The following ITK variants were observed in gnomAD, a reference collection of about 807,000 sequenced individuals.
ITK encodes the protein IL2 inducible T cell kinase.
In ITK, 45 loss-of-function variants were observed where a neutral mutation model predicts 87.6. That is an observed-to-expected ratio of 0.51 (90% confidence interval 0.40 to 0.66). The LOEUF is 0.66. Ranked by LOEUF, ITK falls within the 30% of genes least tolerant of loss-of-function variation. The pLI, the probability that ITK is intolerant of heterozygous loss-of-function variation, is 0.00. For missense variants in ITK, 605 were observed against 766.3 expected (o/e 0.79, Z 2.48); for synonymous variants, 303 against 273.6 (o/e 1.11, Z -1.06).
intron 16 of ITK, among the ~76,000 whole-genome samples, chr5:157,252,383 AATGTCACACAGCTAAT>A (rs1271686555): frequency 6.6e-6 from 1 of 152,252 alleles, no homozygotes; most frequent in African/African-American, 2.4e-5. Flanking sequence ...TAACCTGCTG[AATGTCACACAGCTAAT>A]TAGTGGTAAA....
intron 5 of ITK, among the ~76,000 whole-genome samples, chr5:157,221,696 T>A (rs1754417689): frequency 6.6e-6 from 1 of 152,208 alleles, no homozygotes; most frequent in African/African-American, 2.4e-5. Flanking sequence ...TGAGTTGACC[T>A]GCAGTGGGAT....
At chr5:157,193,261 T>C (rs1043650990) in intron 1 of ITK, among the ~76,000 whole-genome samples, 1 of 152,158 alleles carries the variant, frequency 6.6e-6, no homozygotes, top group African/African-American at 2.4e-5. Context: ...CTGCCAATTA[T>C]ATCAGGAATT....
chr5:157,196,181 C>T (rs1432411971), intron 1 of ITK, among the ~76,000 whole-genome samples: 4 of 152,172 alleles, frequency 2.6e-5, no homozygotes, highest in Admixed American at 2.0e-4. Flanking sequence ...CTGTAGAAAA[C>T]ATTTCTAGAA....
chr5:157,252,347 C>A (rs1284841844), intron 16 of ITK, among the ~76,000 whole-genome samples: 1 of 152,094 alleles, frequency 6.6e-6, no homozygotes, highest in East Asian at 1.9e-4. Flanking sequence ...TTACAAATGA[C>A]AAAACTGAGG....
Position 157,253,954 on chromosome 5 carries a change from G to A in ITK, c.*1276G>A, listed in dbSNP as rs1228634092. The A allele has an allele frequency of 9.0e-6, 2 of 221,976 alleles. No homozygotes were observed. Among genetic ancestry groups the A allele is most frequent in the Non-Finnish European group, 1.8e-5 (2 of 111,104 alleles). 13.8% of individuals were successfully genotyped at this position (221,976 alleles called of 1,614,324 possible). ...CACCCTGGGTTCACATCCCCATGAG[G>A]TAATATTATTATTCCCATTTTACAA... On this transcript the variant is annotated 3_prime_UTR_variant, in exon 17 of 17. Transcript: ENST00000422843.
At chr5:157,243,552 A>T in intron 11 of ITK, 71 bp from the exon 12 acceptor site, 2 of 1,270,272 alleles carry the variant, frequency 1.6e-6, no homozygotes, top group Non-Finnish European at 2.3e-6. Flanking sequence ...AGGGCTTTAT[A>T]GTCCCCTGGT....
chr5:157,249,657 T>A (rs1580912237), intron 16 of ITK, among the ~76,000 whole-genome samples: 1 of 152,208 alleles, frequency 6.6e-6, no homozygotes, highest in Non-Finnish European at 1.5e-5. Flanking sequence ...ATACAAAAAA[T>A]TTGGAACACT....
At chr5:157,236,087 T>C (rs1754769742) in intron 8 of ITK, among the ~76,000 whole-genome samples, 1 of 152,064 alleles carries the variant, frequency 6.6e-6, no homozygotes, top group South Asian at 2.1e-4. Context: ...ATAAGTTCCT[T>C]TTAAGGCCAG....
Position 157,211,171 on chromosome 5 carries a change from T to TTAGGGGTAATTAGG in ITK, c.244-116_244-115insTAGGGGTAATTAGG, listed in dbSNP as rs1042146387. On this transcript the variant is annotated intron_variant, in intron 2 of 16. Transcript: ENST00000422843. ...GATACTGGCCCCCTAATTACCCAAA[T>TTAGGGGTAATTAGG]GTTTGCCTATATGACGATAAACACC... 6.0e-6 allele frequency: 5 copies of TTAGGGGTAATTAGG among 831,712 alleles called. No individual in the cohort carries two copies. In the African/African-American group the frequency reaches 6.6e-5, roughly 11 times the overall value. The allele number at this position is 831,712 out of a possible 1,614,324, so 51.5% of individuals were successfully genotyped here.
At chr5:157,215,849 C>T (rs1337927308) in intron 4 of ITK, among the ~76,000 whole-genome samples, 1 of 152,222 alleles carries the variant, frequency 6.6e-6, no homozygotes, top group Non-Finnish European at 1.5e-5. Context: ...TTGTAATTTT[C>T]ACCATGCATG....
rs886060335 is a variant in ITK at position 157,254,869 on chromosome 5, C to T, written c.*2191C>T. 6.9e-5 allele frequency: 15 copies of T among 216,540 alleles called. No homozygotes were observed. The East Asian group carries it at 1.0e-3, about 15-fold the overall frequency. The allele number at this position is 216,540 out of a possible 1,614,324, so 13.4% of individuals were successfully genotyped here. On this transcript the variant is annotated 3_prime_UTR_variant, in exon 17 of 17. Transcript: ENST00000422843. ...CTGTACATGTGTACATTCTTCACCT[C>T]CTGGTGCCCTATCCCGCAAAATGGG...
chr5:157,205,538 AAATGCTTCAT>A (rs1225969963), intron 1 of ITK, among the ~76,000 whole-genome samples: 1 of 152,246 alleles, frequency 6.6e-6, no homozygotes, highest in African/African-American at 2.4e-5. Context: ...AGACATGACG[AAATGCTTCAT>A]AGGCCACCTT....
At chr5:157,249,103 A>C (rs541817671) in intron 16 of ITK, 96 bp downstream of exon 16, 52 of 1,036,788 alleles carry the variant, frequency 5.0e-5, no homozygotes, top group Non-Finnish European at 7.7e-5. Context: ...AGGATGAGGC[A>C]GGAGGGATAA....
At chr5:157,216,983 G>A (rs779699798) in intron 4 of ITK, among the ~76,000 whole-genome samples, 10 of 152,174 alleles carry the variant, frequency 6.6e-5, no homozygotes, top group South Asian at 2.1e-4. Flanking sequence ...GGAACTCATC[G>A]TCTACCTATG....
chr5:157,204,224 T>C (rs1030779993), intron 1 of ITK, among the ~76,000 whole-genome samples: 1 of 152,196 alleles, frequency 6.6e-6, no homozygotes, highest in African/African-American at 2.4e-5. Context: ...CAGGCTGCTC[T>C]CGAATTCTTG....
Position 157,228,367 on chromosome 5 carries a change from A to G in ITK, c.713+6A>G, listed in dbSNP as rs765046607. The G allele has an allele frequency of 5.8e-6, 9 of 1,550,460 alleles. No homozygotes were observed. The South Asian group carries it at 8.9e-5, about 15-fold the overall frequency. On this transcript the variant is annotated splice_donor_region_variant and intron_variant, in intron 7 of 16. Transcript: ENST00000422843. The stretch of plus-strand genomic sequence containing the variant: ...AATAATCTGGAAACCTATGAGTAAG[A>G]TATTTTATTTGTTTTTGGAAAATAC...
chr5:157,249,665 A>T (rs922582185), intron 16 of ITK, among the ~76,000 whole-genome samples: 3 of 152,220 alleles, frequency 2.0e-5, no homozygotes, highest in African/African-American at 7.2e-5. Flanking sequence ...AATTTGGAAC[A>T]CTAGGATTTT....
intron 1 of ITK, among the ~76,000 whole-genome samples, chr5:157,194,207 G>C (rs143990757): frequency 1.4e-3 from 215 of 152,180 alleles, no homozygotes; most frequent in African/African-American, 5.1e-3. Flanking sequence ...TCACGACTGC[G>C]AGCATCTCAG....
Position 157,238,353 on chromosome 5 carries a change from A to G in ITK, c.851+162A>G, listed in dbSNP as rs551183755. On this transcript the variant is annotated intron_variant, in intron 9 of 16. Transcript: ENST00000422843. ...GAGAAAACCAAAGCCATGGAGATCAAGGATAGAACTTAAGAGACTTAGAAA... is the reference window on the plus strand; with the variant it reads ...GAGAAAACCAAAGCCATGGAGATCAGGGATAGAACTTAAGAGACTTAGAAA... 9.2e-5 allele frequency among the ~76,000 whole-genome samples: 14 copies of G among 152,356 alleles called. No homozygotes were observed. The South Asian group carries it at 2.9e-3, about 32-fold the overall frequency.
Sources: allele counts gnomAD v4.1 joint callset (sites outside exome capture counted in the v4.1 genomes callset), GRCh38; gene constraint gnomAD v4.1.1; transcripts MANE v1.5; gene names NCBI Gene and HGNC (gene_info 2026-07-23, HGNC 2026-07-21).